Variants in MYO16 observed in about 807,000 individuals in gnomAD.
MYO16 encodes myosin XVI, also known as unconventional myosin-XVI.
MYO16 carries 94 observed loss-of-function variants against 205.3 expected under a neutral mutation model. That is an observed-to-expected ratio of 0.46 (90% CI 0.39 to 0.54). The LOEUF (loss-of-function observed/expected upper bound fraction) is 0.54, where lower values mean the gene tolerates loss of function less well. MYO16 is among the 20% of genes least tolerant of loss of function. The pLI is 0.00. For synonymous variants in MYO16, 988 were observed against 954.0 expected (o/e 1.04, Z -0.66); for missense variants, 2,315 against 2,387.5 (o/e 0.97, Z 0.63).
chr13:108,676,372 C>CGTGT (rs35790433), intron 2 of MYO16, among the ~76,000 whole-genome samples: 3,261 of 131,708 alleles, frequency 0.025, 56 homozygotes, highest in African/African-American at 0.043. Context: ...TATATGTACG[C>CGTGT]GTGTGTGTGT....
intron 16 of MYO16, among the ~76,000 whole-genome samples, chr13:108,915,431 G>C (rs534041005): frequency 2.0e-4 from 31 of 152,272 alleles, no homozygotes; most frequent in African/African-American, 7.5e-4. Flanking sequence ...ACAAATGCTT[G>C]TTACCAAAAG....
intron 7 of MYO16, among the ~76,000 whole-genome samples, chr13:108,813,208 C>A (rs76993741): frequency 1.3e-5 from 2 of 152,150 alleles, no homozygotes; most frequent in East Asian, 3.9e-4. Flanking sequence ...GGTATGAGGG[C>A]AGAACTGTTT....
chr13:108,528,793 TTCTC>T, the MYO16 span, among the ~76,000 whole-genome samples: 1 of 144,678 alleles, frequency 6.9e-6, no homozygotes, highest in East Asian at 2.2e-4. Flanking sequence ...CTCTTCTCTC[TTCTC>T]TCTCTTTTTT....
intron 9 of MYO16, among the ~76,000 whole-genome samples, chr13:108,832,979 G>C (rs946489056): frequency 6.6e-6 from 1 of 152,056 alleles, no homozygotes; most frequent in Non-Finnish European, 1.5e-5. Context: ...AGAATACAGG[G>C]ACAGAATGAT....
intron 21 of MYO16, among the ~76,000 whole-genome samples, chr13:108,999,726 T>G (rs1197305639): frequency 1.3e-5 from 2 of 152,202 alleles, no homozygotes; most frequent in African/African-American, 4.8e-5. Flanking sequence ...TGAGCTTAAA[T>G]AATTTAAGTA....
At chr13:109,157,875 T>A (rs1878150690) in intron 32 of MYO16, among the ~76,000 whole-genome samples, 3 of 152,204 alleles carry the variant, frequency 2.0e-5, no homozygotes, top group Admixed American at 2.0e-4. Context: ...CTTCTTGCAC[T>A]TACCCGGTCG....
intron 16 of MYO16, among the ~76,000 whole-genome samples, chr13:108,923,688 C>T (rs1244565131): frequency 6.6e-6 from 1 of 152,208 alleles, no homozygotes; most frequent in African/African-American, 2.4e-5. Flanking sequence ...CCTCTCTTCC[C>T]CCTCTGCTTC....
chr13:108,832,421 C>T (rs1274863151), intron 9 of MYO16, among the ~76,000 whole-genome samples: 6 of 151,816 alleles, frequency 4.0e-5, no homozygotes, highest in South Asian at 2.1e-4. Flanking sequence ...GGATTACAGG[C>T]GTGAGCCACC....
chr13:108,856,119 G>A (rs770392710), intron 11 of MYO16, among the ~76,000 whole-genome samples: 5 of 152,294 alleles, frequency 3.3e-5, no homozygotes, highest in South Asian at 2.1e-4. Flanking sequence ...CGGTTCTATC[G>A]TTATTTGTAT....
chr13:109,130,776 C>T (rs1451813613), intron 31 of MYO16, among the ~76,000 whole-genome samples: 1 of 152,220 alleles, frequency 6.6e-6, no homozygotes, highest in East Asian at 1.9e-4. Flanking sequence ...AGACATCTCC[C>T]TCAGTCCAAC....
intron 32 of MYO16, among the ~76,000 whole-genome samples, chr13:109,153,523 C>A (rs1877801243): frequency 6.6e-6 from 1 of 152,098 alleles, no homozygotes. Flanking sequence ...CTTTGGGAAG[C>A]CAAGACCGTC....
rs543829740 is a variant in MYO16 at position 108,617,992 on chromosome 13, C to A, written c.-39+21753C>A. Among the ~76,000 whole-genome samples, 6 of 152,280 alleles carry A rather than the reference C, an allele frequency of 3.9e-5. No individual in the cohort carries two copies. The South Asian group carries it at 1.0e-3, about 26-fold the overall frequency. Reference sequence around the variant, plus strand: ...CACCTAGAAAGCTGGTCTTCTCTCTCACTTCCCAATCCTGCCAGTCTTCAA... The same window carrying A: ...CACCTAGAAAGCTGGTCTTCTCTCTAACTTCCCAATCCTGCCAGTCTTCAA... On this transcript the variant is annotated intron_variant, in intron 1 of 24. Coordinates refer to the MYO16 transcript ENST00000251041.
chr13:109,029,270 A>G (rs1594485174), intron 23 of MYO16, among the ~76,000 whole-genome samples: 1 of 151,702 alleles, frequency 6.6e-6, no homozygotes, highest in Non-Finnish European at 1.5e-5. Context: ...GTCCACCATC[A>G]TGCCCAGCTA....
the MYO16 span, among the ~76,000 whole-genome samples, chr13:108,524,722 A>C: frequency 0.15 from 22,827 of 152,080 alleles, 2,001 homozygotes; most frequent in Non-Finnish European, 0.2. Flanking sequence ...ACTATGAAAA[A>C]TGATTATAAC....
At chr13:109,069,906 C>T (rs1241608980) in intron 27 of MYO16, among the ~76,000 whole-genome samples, 1 of 152,108 alleles carries the variant, frequency 6.6e-6, no homozygotes, top group African/African-American at 2.4e-5. Flanking sequence ...TGTCTTAATT[C>T]AGTGCCAAGT....
intron 23 of MYO16, among the ~76,000 whole-genome samples, chr13:109,043,258 G>A (rs1205426046): frequency 6.6e-6 from 1 of 152,150 alleles, no homozygotes; most frequent in African/African-American, 2.4e-5. Flanking sequence ...ACTGAGAAAT[G>A]CGTAGTCATC....
chr13:108,867,848 C>A (rs961369989), intron 12 of MYO16, among the ~76,000 whole-genome samples: 1 of 152,140 alleles, frequency 6.6e-6, no homozygotes, highest in African/African-American at 2.4e-5. Context: ...AAAGACAGTA[C>A]AATTCCAACT....
chr13:109,055,027 GTCTT>G lies in MYO16; in HGVS notation c.3049-13_3049-10del. ...TCCTTTCTTTTCTCCTGTCCTTCTT[GTCTT>G]TCTTTTTATTACAGTTATTAAAAAA... is the stretch of plus-strand genomic sequence containing the variant. On this transcript the variant is annotated splice_polypyrimidine_tract_variant and intron_variant, in intron 25 of 34. Coordinates refer to ENST00000457511, the MANE Select transcript of MYO16 (RefSeq NM_001198950.3). This position sits in a 1 kb window ranked among gnomAD's most constrained non-coding sequence, Gnocchi z 5.0. 1 of 1,360,912 alleles carries G rather than the reference GTCTT, an allele frequency of 7.3e-7. No individual in the cohort carries two copies. The highest frequency in any genetic ancestry group is 9.8e-7 in the Non-Finnish European group (1 of 1,016,930). The allele number at this position is 1,360,912 out of a possible 1,614,324, so 84.3% of individuals were successfully genotyped here.
the MYO16 span, among the ~76,000 whole-genome samples, chr13:108,553,005 CTTTTTTTTTTTTTTTT>C: frequency 6.2e-5 from 4 of 64,912 alleles, no homozygotes; most frequent in East Asian, 6.5e-4. Context: ...CTTTAATACT[CTTTTTTTTTTTTTTTT>C]TTTTTTTTTT....
Sources: allele counts gnomAD v4.1 joint callset (sites outside exome capture counted in the v4.1 genomes callset), GRCh38; gene constraint gnomAD v4.1.1; non-coding constraint Gnocchi (gnomAD v3.1); transcripts MANE v1.5; gene names NCBI Gene and HGNC (gene_info 2026-07-23, HGNC 2026-07-21).